The following SMIM35 variants were observed in gnomAD, a reference collection of about 807,000 sequenced individuals.
SMIM35 encodes the protein small integral membrane protein 35.
At chr11:118,047,209 C>T (rs1296448644) in intron 1 of SMIM35, among the ~76,000 whole-genome samples, 2 of 152,164 alleles carry the variant, frequency 1.3e-5, no homozygotes, top group African/African-American at 2.4e-5. Flanking sequence ...CTGCGAGGGT[C>T]TAAGGGGGTT....
intron 4 of SMIM35, among the ~76,000 whole-genome samples, chr11:118,009,714 T>A (rs1309920094): frequency 2.8e-5 from 4 of 144,360 alleles, no homozygotes; most frequent in African/African-American, 7.8e-5. Flanking sequence ...GAACTGAGAA[T>A]GCAGACGCTT....
At chr11:118,028,243 A>G (rs2058290158) in intron 1 of SMIM35, among the ~76,000 whole-genome samples, 1 of 152,206 alleles carries the variant, frequency 6.6e-6, no homozygotes, top group Non-Finnish European at 1.5e-5. Context: ...CATGCTCATT[A>G]TGACAGTTTC....
intron 4 of SMIM35, among the ~76,000 whole-genome samples, chr11:118,009,638 G>A (rs1302485196): frequency 6.6e-6 from 1 of 151,334 alleles, no homozygotes. Flanking sequence ...AAGATATATT[G>A]ACACTTTGTA....
intron 1 of SMIM35, among the ~76,000 whole-genome samples, chr11:118,051,399 C>T (rs1298676668): frequency 1.3e-5 from 2 of 152,224 alleles, no homozygotes; most frequent in African/African-American, 4.8e-5. Flanking sequence ...CGGCACTATC[C>T]TAGCACAGTC....
intron 1 of SMIM35, chr11:118,067,631 C>G (rs1268308978): frequency 6.6e-6 from 1 of 151,732 alleles, no homozygotes; most frequent in East Asian, 1.9e-4. Context: ...GTCAGGAGTT[C>G]AAGACCAGCC....
At chr11:118,083,077 C>T (rs933201327) in intron 1 of SMIM35, among the ~76,000 whole-genome samples, 3 of 152,164 alleles carry the variant, frequency 2.0e-5, no homozygotes, top group Non-Finnish European at 2.9e-5. Context: ...CTGCGGGGCT[C>T]GGTCGAATCC....
At position 118,017,407 on chromosome 11, in the gene SMIM35, C is replaced by G. The variant is rs376441964; in HGVS notation, c.8-1598G>C. Among the ~76,000 whole-genome samples the G allele has an allele frequency of 3.9e-5, 6 of 152,280 alleles. No homozygotes were observed. In the East Asian group the frequency reaches 5.8e-4, roughly 15 times the overall value. On this transcript the variant is annotated intron_variant, in intron 1 of 4. Transcript: ENST00000689828. ...CAACCTTGAAGAGTTGCTGTCATGG[C>G]ATGAGAGTAACCAAATGATTCCTGT...
At chr11:118,060,046 GC>G (rs372099310) in intron 1 of SMIM35, among the ~76,000 whole-genome samples, 2 of 152,208 alleles carry the variant, frequency 1.3e-5, no homozygotes, top group Admixed American at 6.5e-5. Flanking sequence ...ACCTGTGAGG[GC>G]CCAGGAGGAG....
At chr11:118,057,500 A>G (rs1944332582) in intron 1 of SMIM35, among the ~76,000 whole-genome samples, 1 of 151,960 alleles carries the variant, frequency 6.6e-6, no homozygotes, top group Admixed American at 6.6e-5. Context: ...TGGGGGTGGG[A>G]GACTCCGCTG....
chr11:118,081,282 T>C (rs1412699592), intron 1 of SMIM35, among the ~76,000 whole-genome samples: 5 of 152,158 alleles, frequency 3.3e-5, no homozygotes, highest in African/African-American at 9.7e-5. Context: ...GGGATGGGCA[T>C]GAGGGAGGCA....
chr11:118,032,788 G>C (rs1321206154), intron 1 of SMIM35, among the ~76,000 whole-genome samples: 3 of 152,088 alleles, frequency 2.0e-5, no homozygotes, highest in Non-Finnish European at 4.4e-5. Context: ...GGCGCCTATA[G>C]TCCCACCTAC....
chr11:118,024,109 G>A (rs1245376495), intron 1 of SMIM35, among the ~76,000 whole-genome samples: 1 of 150,966 alleles, frequency 6.6e-6, no homozygotes. Context: ...ATTCCCTGAA[G>A]GAGAAAACGA....
At chr11:118,082,968 C>CTCT (rs1207553747) in intron 1 of SMIM35, among the ~76,000 whole-genome samples, 1 of 152,172 alleles carries the variant, frequency 6.6e-6, no homozygotes, top group African/African-American at 2.4e-5. Context: ...GCAGAATCCT[C>CTCT]GTATGGGACA....
chr11:118,013,925 C>G lies in SMIM35; in HGVS notation c.159-45G>C, dbSNP rs760312609. On this transcript the variant is annotated intron_variant, in intron 3 of 4. Coordinates refer to ENST00000689828, the MANE Select transcript of SMIM35 (RefSeq NM_001394165.1). ...CAGGCTACTGGAGCTGATAACCTAG[C>G]CTCTCCCTGGGTCCCCATCTCCCTT... is the stretch of plus-strand genomic sequence containing the variant. 2.6e-4 allele frequency: 105 copies of G among 398,874 alleles called. No homozygotes were observed. In the Middle Eastern group the frequency reaches 8.2e-3, roughly 31 times the overall value. 24.7% of individuals were successfully genotyped at this position (398,874 alleles called of 1,614,324 possible).
chr11:118,077,453 C>G (rs1191563415), intron 1 of SMIM35: 5 of 954,066 alleles, frequency 5.2e-6, no homozygotes, highest in Non-Finnish European at 7.7e-6. Flanking sequence ...CCCCTCACAC[C>G]CCAGCCCGGT....
intron 1 of SMIM35, among the ~76,000 whole-genome samples, chr11:118,055,460 C>A (rs1384013207): frequency 6.6e-6 from 1 of 152,214 alleles, no homozygotes; most frequent in Middle Eastern, 3.2e-3. Flanking sequence ...CACCTCCTAC[C>A]AAGACATGCT....
intron 1 of SMIM35, among the ~76,000 whole-genome samples, chr11:118,018,031 C>T (rs11216685): frequency 0.096 from 14,589 of 152,062 alleles, 975 homozygotes; most frequent in East Asian, 0.37. Context: ...CCAAACCATA[C>T]CAGGAGGTGA....
chr11:118,007,903 C>T (rs1385346545), intron 4 of SMIM35, among the ~76,000 whole-genome samples: 4 of 150,894 alleles, frequency 2.7e-5, no homozygotes, highest in African/African-American at 9.8e-5. Context: ...GACAGTCTTG[C>T]TCTGTCTCCA....
rs566567926 is a variant in SMIM35, at chr11:118,006,187, C to T, written c.*223G>A. 2 of 152,386 alleles carry T rather than the reference C, an allele frequency of 1.3e-5. No individual in the cohort carries two copies. Among genetic ancestry groups the T allele is most frequent in the East Asian group, 1.9e-4 (1 of 5,194 alleles). 9.4% of individuals were successfully genotyped at this position (152,386 alleles called of 1,614,324 possible). A position where few individuals can be genotyped will look rare whatever the true frequency, so the allele number is the denominator to read the frequency against. On this transcript the variant is annotated 3_prime_UTR_variant, in exon 5 of 5. Transcript: ENST00000689828. ...TCTGCAGCACTGACAGCTCCAGGGA[C>T]ACCCCGCACATGGTATGCTATAATA... is the stretch of plus-strand genomic sequence containing the variant.
Sources: gnomAD v4.1 joint callset for allele counts (sites outside exome capture counted in the v4.1 genomes callset) on GRCh38, gnomAD v4.1.1 for gene constraint, MANE v1.5 for transcripts, NCBI Gene and HGNC (gene_info 2026-07-23, HGNC 2026-07-21) for gene names.